PPARGC1A: variants seen among roughly 807,000 people sequenced by gnomAD.
The protein encoded by PPARGC1A is peroxisome proliferator-activated receptor gamma coactivator 1-alpha.
PPARGC1A carries 25 observed loss-of-function variants against 88.7 expected under a neutral mutation model. The observed-to-expected ratio is 0.28, with a 90% CI of 0.21 to 0.39. PPARGC1A has a LOEUF of 0.39. PPARGC1A is among the 10% of genes least tolerant of loss of function. The pLI, the probability that PPARGC1A is intolerant of heterozygous loss-of-function variation, is 1.00. For synonymous variants in PPARGC1A, 363 were observed against 355.6 expected (o/e 1.02, Z -0.24); for missense variants, 880 against 968.7 (o/e 0.91, Z 1.22).
the PPARGC1A span, among the ~76,000 whole-genome samples, chr4:23,912,843 C>T: frequency 6.6e-6 from 1 of 151,016 alleles, no homozygotes; most frequent in African/African-American, 2.4e-5. Flanking sequence ...GGCTGGAGTG[C>T]AGTGGCGGGA....
At chr4:24,465,530 G>A in the PPARGC1A span, among the ~76,000 whole-genome samples, 1 of 152,116 alleles carries the variant, frequency 6.6e-6, no homozygotes, top group Non-Finnish European at 1.5e-5. Flanking sequence ...TGGTCTCTCT[G>A]GAAGGAAGTT....
the PPARGC1A span, among the ~76,000 whole-genome samples, chr4:23,910,217 TATATA>T: frequency 1.9e-3 from 191 of 102,608 alleles, 3 homozygotes; most frequent in Admixed American, 0.019. Flanking sequence ...ACATATATAA[TATATA>T]ATATATTATA....
At chr4:24,387,818 A>AAGAAAGAAAGAAAGAAAGAAAGAG in the PPARGC1A span, among the ~76,000 whole-genome samples, 2 of 81,076 alleles carry the variant, frequency 2.5e-5, no homozygotes, top group African/African-American at 9.6e-5. Context: ...GAAAGAAAGA[A>AAGAAAGAAAGAAAGAAAGAAAGAG]AGAAAGAGAG....
chr4:24,413,616 G>T, the PPARGC1A span, among the ~76,000 whole-genome samples: 1 of 152,192 alleles, frequency 6.6e-6, no homozygotes, highest in African/African-American at 2.4e-5. Flanking sequence ...CCTTGTGGGG[G>T]GGTAGGGATC....
chr4:24,416,961 C>T, the PPARGC1A span, among the ~76,000 whole-genome samples: 1 of 146,014 alleles, frequency 6.8e-6, no homozygotes, highest in Non-Finnish European at 1.5e-5. Context: ...AACCAGGAGG[C>T]GGAGGTTGCA....
At chr4:24,007,582 G>T in the PPARGC1A span, among the ~76,000 whole-genome samples, 1 of 152,166 alleles carries the variant, frequency 6.6e-6, no homozygotes, top group East Asian at 1.9e-4. Context: ...AGGGCATTTT[G>T]TGCAGAAGGA....
At chr4:24,103,781 C>A in the PPARGC1A span, among the ~76,000 whole-genome samples, 7 of 152,192 alleles carry the variant, frequency 4.6e-5, no homozygotes, top group Non-Finnish European at 8.8e-5. Context: ...ACAAGAGGAA[C>A]TATCTCGCAG....
chr4:24,277,699 G>A, the PPARGC1A span, among the ~76,000 whole-genome samples: 2 of 152,100 alleles, frequency 1.3e-5, no homozygotes, highest in African/African-American at 4.8e-5. Context: ...TTATTTCCTT[G>A]TTTAAAAGAC....
At chr4:23,829,299 T>C (rs2305681) in intron 4 of PPARGC1A, among the ~76,000 whole-genome samples, 164 bp downstream of exon 4, 5,736 of 152,308 alleles carry the variant, frequency 0.038, 113 homozygotes, top group Middle Eastern at 0.058. Flanking sequence ...TAGTTTAAAG[T>C]AGCTCAAGCG....
the PPARGC1A span, among the ~76,000 whole-genome samples, chr4:24,404,729 G>A: frequency 5.8e-4 from 89 of 152,262 alleles, no homozygotes; most frequent in Middle Eastern, 3.4e-3. Flanking sequence ...ATACAGGCTC[G>A]ATGTTGCCAG....
chr4:24,411,622 A>G, the PPARGC1A span, among the ~76,000 whole-genome samples: 2 of 152,214 alleles, frequency 1.3e-5, no homozygotes, highest in African/African-American at 2.4e-5. Flanking sequence ...CCACTGTAGT[A>G]TCATACGGAA....
the PPARGC1A span, among the ~76,000 whole-genome samples, chr4:24,125,618 T>C: frequency 2.6e-5 from 4 of 152,196 alleles, no homozygotes; most frequent in Non-Finnish European, 5.9e-5. Context: ...GTATTTGTAA[T>C]TATCTTTACA....
the PPARGC1A span, among the ~76,000 whole-genome samples, chr4:24,391,080 T>C: frequency 6.6e-6 from 1 of 152,158 alleles, no homozygotes; most frequent in Admixed American, 6.5e-5. Flanking sequence ...AATATTATTA[T>C]GAAATTCTTA....
chr4:23,987,875 G>A, the PPARGC1A span, among the ~76,000 whole-genome samples: 2 of 151,930 alleles, frequency 1.3e-5, no homozygotes, highest in African/African-American at 4.8e-5. Context: ...CTGCCACGGT[G>A]GTTTGCTGCA....
chr4:24,305,823 TA>T, the PPARGC1A span, among the ~76,000 whole-genome samples: 1 of 151,982 alleles, frequency 6.6e-6, no homozygotes, highest in Non-Finnish European at 1.5e-5. Flanking sequence ...AAAAAAAATT[TA>T]AAAAGAGGGT....
chr4:24,332,854 C>T, the PPARGC1A span, among the ~76,000 whole-genome samples: 1 of 152,198 alleles, frequency 6.6e-6, no homozygotes, highest in Admixed American at 6.5e-5. Context: ...TCTCAGTTTC[C>T]TCAACTGTAT....
chr4:24,028,308 T>A, the PPARGC1A span, among the ~76,000 whole-genome samples: 1 of 152,232 alleles, frequency 6.6e-6, no homozygotes, highest in Non-Finnish European at 1.5e-5. Flanking sequence ...ACATGACAGT[T>A]GAGACACATT....
At chr4:24,370,626 AG>A in the PPARGC1A span, among the ~76,000 whole-genome samples, 1 of 152,118 alleles carries the variant, frequency 6.6e-6, no homozygotes, top group South Asian at 2.1e-4. Flanking sequence ...GCCCAAGGCC[AG>A]CCACAAGGGA....
chr4:24,039,600 T>C, the PPARGC1A span, among the ~76,000 whole-genome samples: 1 of 152,048 alleles, frequency 6.6e-6, no homozygotes, highest in Non-Finnish European at 1.5e-5. Flanking sequence ...AGTGAGAACA[T>C]CTAGGATGAT....
Sources: allele counts gnomAD v4.1 joint callset (sites outside exome capture counted in the v4.1 genomes callset), GRCh38; gene constraint gnomAD v4.1.1; transcripts MANE v1.5; gene names NCBI Gene and HGNC (gene_info 2026-07-23, HGNC 2026-07-21).